Variants in BMAL1 observed in about 807,000 individuals in gnomAD.
The protein encoded by BMAL1 is basic helix-loop-helix ARNT like 1.
the BMAL1 span, among the ~76,000 whole-genome samples, chr11:13,345,500 A>G: frequency 2.0e-5 from 3 of 152,046 alleles, no homozygotes; most frequent in Admixed American, 6.5e-5. Context: ...TTTCTTATAA[A>G]TTCTCCTTGT....
chr11:13,304,208 C>T, the BMAL1 span, among the ~76,000 whole-genome samples: 1 of 152,058 alleles, frequency 6.6e-6, no homozygotes, highest in Non-Finnish European at 1.5e-5. Context: ...AAGGGGGATG[C>T]AGGGGAGAAG....
At chr11:13,381,001 G>C in the BMAL1 span, 1 of 602,450 alleles carries the variant, frequency 1.7e-6, no homozygotes, top group Non-Finnish European at 2.9e-6. Flanking sequence ...TTTGTGACAA[G>C]ACACCATATG....
chr11:13,338,287 G>C, the BMAL1 span, among the ~76,000 whole-genome samples: 1 of 152,078 alleles, frequency 6.6e-6, no homozygotes, highest in African/African-American at 2.4e-5. Context: ...GTTATTTCTG[G>C]GGTCAGGCAG....
chr11:13,318,608 T>C, the BMAL1 span, among the ~76,000 whole-genome samples: 1 of 146,780 alleles, frequency 6.8e-6, no homozygotes, highest in Admixed American at 6.9e-5. Context: ...TTTGGCAGAG[T>C]CTTTGTTGAA....
chr11:13,381,470 G>A, the BMAL1 span, among the ~76,000 whole-genome samples: 349 of 152,318 alleles, frequency 2.3e-3, 1 homozygote, highest in African/African-American at 8.0e-3. Flanking sequence ...CATGTGAGTG[G>A]AAGAAGGGAG....
At chr11:13,363,200 G>A in the BMAL1 span, among the ~76,000 whole-genome samples, 1 of 142,318 alleles carries the variant, frequency 7.0e-6, no homozygotes, top group Non-Finnish European at 1.5e-5. Flanking sequence ...TCCTGTGGAT[G>A]GACAAATTTA....
At chr11:13,300,080 C>G in the BMAL1 span, among the ~76,000 whole-genome samples, 1 of 152,186 alleles carries the variant, frequency 6.6e-6, no homozygotes, top group Non-Finnish European at 1.5e-5. Context: ...TTTCCCTGAT[C>G]TTGGCCTTTC....
At chr11:13,381,221 T>TC in the BMAL1 span, 1 of 1,614,054 alleles carries the variant, frequency 6.2e-7, no homozygotes, top group Non-Finnish European at 8.5e-7. Flanking sequence ...CGAGTACGCC[T>TC]CCCCCTGATG....
chr11:13,372,543 C>T, the BMAL1 span: 1 of 1,359,178 alleles, frequency 7.4e-7, no homozygotes, highest in South Asian at 1.4e-5. Context: ...GGTGCAGTGG[C>T]TCACACCTCA....
At chr11:13,305,154 A>C in the BMAL1 span, among the ~76,000 whole-genome samples, 1 of 152,182 alleles carries the variant, frequency 6.6e-6, no homozygotes, top group Admixed American at 6.5e-5. Context: ...TATGGGGAAG[A>C]AAGTTCATCT....
the BMAL1 span, among the ~76,000 whole-genome samples, chr11:13,368,135 G>A: frequency 7.2e-5 from 11 of 152,198 alleles, no homozygotes; most frequent in Non-Finnish European, 1.6e-4. Context: ...AATATGAATG[G>A]CATTTGGGCC....
At chr11:13,369,727 T>C in the BMAL1 span, 4 of 1,613,902 alleles carry the variant, frequency 2.5e-6, no homozygotes, top group South Asian at 4.4e-5. Flanking sequence ...CAGTAAAGGT[T>C]GAAGACAAGG....
the BMAL1 span, among the ~76,000 whole-genome samples, chr11:13,355,730 C>T: frequency 8.3e-3 from 1,265 of 152,224 alleles, 7 homozygotes; most frequent in Non-Finnish European, 0.012. Flanking sequence ...TCCTTCCGTG[C>T]GGCCTGCGTG....
the BMAL1 span, among the ~76,000 whole-genome samples, chr11:13,377,218 C>T: frequency 4.6e-5 from 7 of 152,250 alleles, no homozygotes; most frequent in Middle Eastern, 3.4e-3. Flanking sequence ...CAGCCCCCAT[C>T]GATGACTCCC....
At chr11:13,285,444 G>C in the BMAL1 span, among the ~76,000 whole-genome samples, 5 of 152,138 alleles carry the variant, frequency 3.3e-5, no homozygotes, top group African/African-American at 1.2e-4. Context: ...AGGAGTGCTA[G>C]GATAGCAAGC....
the BMAL1 span, among the ~76,000 whole-genome samples, chr11:13,344,230 A>T: frequency 6.6e-6 from 1 of 152,166 alleles, no homozygotes; most frequent in Non-Finnish European, 1.5e-5. Flanking sequence ...GCCCACAAGC[A>T]AATCATTTTT....
the BMAL1 span, among the ~76,000 whole-genome samples, chr11:13,338,092 A>G: frequency 6.6e-6 from 1 of 152,156 alleles, no homozygotes; most frequent in African/African-American, 2.4e-5. Context: ...AATGACCTTG[A>G]GCTGTACGAC....
At chr11:13,327,445 T>C in the BMAL1 span, among the ~76,000 whole-genome samples, 1 of 152,114 alleles carries the variant, frequency 6.6e-6, no homozygotes, top group African/African-American at 2.4e-5. Flanking sequence ...TTTTTTCTCC[T>C]GTTGCTCCCA....
At chr11:13,282,627 T>C in the BMAL1 span, among the ~76,000 whole-genome samples, 25 of 152,220 alleles carry the variant, frequency 1.6e-4, no homozygotes, top group Non-Finnish European at 4.4e-5. Context: ...GCCTTGGTCC[T>C]GCAGCACTAT....
Sources: gnomAD v4.1 joint callset for allele counts (sites outside exome capture counted in the v4.1 genomes callset) on GRCh38, gnomAD v4.1.1 for gene constraint, MANE v1.5 for transcripts, NCBI Gene and HGNC (gene_info 2026-07-23, HGNC 2026-07-21) for gene names.